The following TRPC7 variants were observed in gnomAD, a reference collection of about 807,000 sequenced individuals.
TRPC7 encodes transient receptor potential cation channel subfamily C member 7.
In TRPC7, 42 loss-of-function variants were observed where a neutral mutation model predicts 90.1. That is an observed-to-expected ratio of 0.47 (90% CI 0.36 to 0.60). TRPC7 has a LOEUF of 0.60. TRPC7 is among the 20% of genes least tolerant of loss of function. The probability of loss-of-function intolerance (pLI) is 0.00; values close to 1 mark genes in which losing one functional copy is unlikely to be tolerated. For missense variants in TRPC7, 955 were observed against 1,112.3 expected (o/e 0.86, Z 2.01); for synonymous variants, 451 against 436.3 (o/e 1.03, Z -0.42).
chr5:136,320,188 A>T (rs1272737760), intron 2 of TRPC7, among the ~76,000 whole-genome samples: 1 of 152,014 alleles, frequency 6.6e-6, no homozygotes. Context: ...TTTATCCTTG[A>T]TTGCTACCTT....
chr5:136,347,642 A>G (rs1329275555), intron 2 of TRPC7, among the ~76,000 whole-genome samples: 1 of 152,214 alleles, frequency 6.6e-6, no homozygotes, highest in African/African-American at 2.4e-5. Flanking sequence ...CGCTTTGCAA[A>G]GAACAATTTG....
At chr5:136,300,546 T>G (rs747108094) in intron 3 of TRPC7, among the ~76,000 whole-genome samples, 1 of 152,222 alleles carries the variant, frequency 6.6e-6, no homozygotes, top group Admixed American at 6.5e-5. Flanking sequence ...GGATGACTGA[T>G]GCTTTCAACA....
chr5:136,362,415 A>G (rs1422289234), intron 1 of TRPC7, among the ~76,000 whole-genome samples: 2 of 152,206 alleles, frequency 1.3e-5, no homozygotes, highest in Admixed American at 6.5e-5. Context: ...ACAAATGGCA[A>G]TGTAATGATG....
At chr5:136,358,469 A>T (rs1197394240) in intron 1 of TRPC7, among the ~76,000 whole-genome samples, 1 of 152,212 alleles carries the variant, frequency 6.6e-6, no homozygotes, top group Non-Finnish European at 1.5e-5. Flanking sequence ...TCATCCTCAG[A>T]TGAAGATACT....
chr5:136,237,568 T>C (rs1756021571), intron 7 of TRPC7, among the ~76,000 whole-genome samples: 1 of 152,226 alleles, frequency 6.6e-6, no homozygotes. Flanking sequence ...GTGCAAGTTC[T>C]GACTCCAGGC....
chr5:136,294,552 C>T (rs914977829), intron 3 of TRPC7, among the ~76,000 whole-genome samples: 2 of 152,048 alleles, frequency 1.3e-5, no homozygotes, highest in African/African-American at 2.4e-5. Flanking sequence ...CTCATCATCC[C>T]TGGCCATCAG....
At chr5:136,345,627 A>T (rs1759982819) in intron 2 of TRPC7, among the ~76,000 whole-genome samples, 1 of 152,080 alleles carries the variant, frequency 6.6e-6, no homozygotes, top group Non-Finnish European at 1.5e-5. Context: ...AGATTATAAA[A>T]ATTTTCTCCC....
chr5:136,321,519 C>T (rs531303695), intron 2 of TRPC7, among the ~76,000 whole-genome samples: 3 of 152,208 alleles, frequency 2.0e-5, no homozygotes, highest in African/African-American at 7.2e-5. Flanking sequence ...GAATTCAACA[C>T]CAAACTCATG....
chr5:136,289,019 A>G (rs973150556), intron 3 of TRPC7, among the ~76,000 whole-genome samples: 4 of 152,250 alleles, frequency 2.6e-5, no homozygotes, highest in African/African-American at 9.6e-5. Flanking sequence ...TACTGCAAGC[A>G]GCTCTTCCAA....
At chr5:136,303,010 C>T (rs558130127) in intron 3 of TRPC7, among the ~76,000 whole-genome samples, 56 of 152,260 alleles carry the variant, frequency 3.7e-4, no homozygotes, top group Admixed American at 2.5e-3. Context: ...CCTCAGCCTC[C>T]GCTCCTCCAC....
chr5:136,238,614 C>CAGGTG lies in TRPC7; in HGVS notation c.1845-7066_1845-7065insCACCT, dbSNP rs1162002690. Among the ~76,000 whole-genome samples the CAGGTG allele has an allele frequency of 2.4e-3, 290 of 120,110 alleles. 1 individual carries two copies. The highest frequency in any genetic ancestry group is 8.1e-3 in the African/African-American group (268 of 32,886). The allele number at this position is 120,110 out of a possible 152,430, so 78.8% of individuals were successfully genotyped here. A position where few individuals can be genotyped will look rare whatever the true frequency, so the allele number is the denominator to read the frequency against. ...TTTTAGTGCATAAAAAGGTGAGACC[C>CAGGTG]TCTCCCCTGTCAGACAGTGACCGTC... is the stretch of plus-strand genomic sequence containing the variant. On this transcript the variant is annotated intron_variant, in intron 7 of 11. Transcript: ENST00000513104.
intron 10 of TRPC7, among the ~76,000 whole-genome samples, chr5:136,217,139 G>T (rs999695660): frequency 6.6e-6 from 1 of 152,324 alleles, no homozygotes; most frequent in Admixed American, 6.5e-5. Flanking sequence ...CAAGAGATGA[G>T]CAGTGTGGAA....
At chr5:136,257,331 C>T (rs186698385) in intron 5 of TRPC7, among the ~76,000 whole-genome samples, 2 of 151,876 alleles carry the variant, frequency 1.3e-5, no homozygotes, top group South Asian at 2.1e-4. Context: ...TACAGGCACA[C>T]GCCACCACAC....
chr5:136,347,437 G>A (rs1391567504), intron 2 of TRPC7, among the ~76,000 whole-genome samples: 1 of 152,160 alleles, frequency 6.6e-6, no homozygotes, highest in Admixed American at 6.5e-5. Flanking sequence ...GCTAAAATGA[G>A]CTTTAGTTTA....
At chr5:136,292,429 T>G (rs80052375) in intron 3 of TRPC7, among the ~76,000 whole-genome samples, 1 of 151,492 alleles carries the variant, frequency 6.6e-6, no homozygotes, top group Admixed American at 6.6e-5. Flanking sequence ...AGAGAAGAAT[T>G]AAATAGACGC....
At chr5:136,234,693 A>C (rs1755932637) in intron 7 of TRPC7, among the ~76,000 whole-genome samples, 2 of 152,214 alleles carry the variant, frequency 1.3e-5, no homozygotes, top group African/African-American at 4.8e-5. Context: ...TGAGGTAATA[A>C]AATCTTCATT....
intron 3 of TRPC7, among the ~76,000 whole-genome samples, chr5:136,310,515 A>G (rs1342345943): frequency 6.6e-6 from 1 of 152,144 alleles, no homozygotes. Flanking sequence ...AGCCAGGAAA[A>G]GTCACCTCAA....
intron 2 of TRPC7, among the ~76,000 whole-genome samples, chr5:136,327,668 C>T (rs760747233): frequency 1.3e-5 from 2 of 152,132 alleles, no homozygotes; most frequent in African/African-American, 4.8e-5. Flanking sequence ...TGGCTTCCCA[C>T]GGTGAGGACC....
chr5:136,316,584 C>A (rs1296540411), intron 2 of TRPC7, among the ~76,000 whole-genome samples: 1 of 152,174 alleles, frequency 6.6e-6, no homozygotes, highest in South Asian at 2.1e-4. Flanking sequence ...AGATTTCTCT[C>A]TTCCTTTCCC....
Sources: allele counts gnomAD v4.1 joint callset (sites outside exome capture counted in the v4.1 genomes callset), GRCh38; gene constraint gnomAD v4.1.1; transcripts MANE v1.5; gene names NCBI Gene and HGNC (gene_info 2026-07-23, HGNC 2026-07-21).